ELAPOR2: variants seen among roughly 807,000 people sequenced by gnomAD.
ELAPOR2 encodes the protein endosome-lysosome associated apoptosis and autophagy regulator family member 2, also known as endosome/lysosome-associated apoptosis and autophagy regulator family member 2.
A neutral mutation model predicts 120.7 loss-of-function variants in ELAPOR2; 89 were observed. That is an observed-to-expected ratio of 0.74 (90% confidence interval 0.62 to 0.88). The LOEUF is 0.88. Ranked by LOEUF, ELAPOR2 falls within the 40% of genes least tolerant of loss-of-function variation. The pLI, the probability that ELAPOR2 is intolerant of heterozygous loss-of-function variation, is 0.00. For missense variants in ELAPOR2, 1,134 were observed against 1,251.6 expected (o/e 0.91, Z 1.42); for synonymous variants, 444 against 444.9 (o/e 1.00, Z 0.03).
rs1039772548 is a variant in ELAPOR2, at chr7:86,878,969, T to C, written c.*1502A>G. 1 of 152,142 alleles carries C rather than the reference T, an allele frequency of 6.6e-6. No homozygotes were observed. The highest frequency in any genetic ancestry group is 2.4e-5 in the African/African-American group (1 of 41,446). 9.4% of individuals were successfully genotyped at this position (152,142 alleles called of 1,614,324 possible). On this transcript the variant is annotated 3_prime_UTR_variant, in exon 22 of 22. Transcript: ENST00000450689. ...AACACAATTATTCATTTTTCTCCCA[T>C]TTTCCACAAAAATAAAGACACCACC...
At chr7:87,021,482 A>G (rs1424230540) in intron 1 of ELAPOR2, among the ~76,000 whole-genome samples, 1 of 152,148 alleles carries the variant, frequency 6.6e-6, no homozygotes, top group Non-Finnish European at 1.5e-5. Context: ...ATAAGGAAAC[A>G]ATATATTTAA....
At chr7:86,946,159 T>TCACA (rs3223108) in intron 3 of ELAPOR2, among the ~76,000 whole-genome samples, 8,748 of 146,344 alleles carry the variant, frequency 0.06, 249 homozygotes, top group African/African-American at 0.076. Flanking sequence ...ATACCATTTC[T>TCACA]CACACACACA....
chr7:87,044,822 C>T (rs1288898437), intron 1 of ELAPOR2, among the ~76,000 whole-genome samples: 1 of 150,230 alleles, frequency 6.7e-6, no homozygotes, highest in Non-Finnish European at 1.5e-5. Flanking sequence ...GAACAGGCAA[C>T]CTACAAAATG....
chr7:86,947,014 C>T (rs978006960), intron 3 of ELAPOR2, among the ~76,000 whole-genome samples: 8 of 152,126 alleles, frequency 5.3e-5, no homozygotes, highest in Non-Finnish European at 8.8e-5. Flanking sequence ...AATGAATATG[C>T]CTTTCAACAC....
chr7:86,880,396 G>T lies in ELAPOR2; in HGVS notation c.*75C>A. ...CACCAATGTGACAGGTATGAGGACA[G>T]ACCCTAAAATATGGTCCTGTAAAAC... is the stretch of plus-strand genomic sequence containing the variant. On this transcript the variant is annotated 3_prime_UTR_variant, in exon 22 of 22. Transcript: ENST00000450689. 1.9e-6 allele frequency: 2 copies of T among 1,062,638 alleles called. No homozygotes were observed. Among genetic ancestry groups the T allele is most frequent in the South Asian group, 1.3e-5 (1 of 78,058 alleles). 65.8% of individuals were successfully genotyped at this position (1,062,638 alleles called of 1,614,324 possible). A position where few individuals can be genotyped will look rare whatever the true frequency, so the allele number is the denominator to read the frequency against.
At chr7:86,949,603 G>A (rs1333357204) in intron 2 of ELAPOR2, among the ~76,000 whole-genome samples, 1 of 152,140 alleles carries the variant, frequency 6.6e-6, no homozygotes, top group Non-Finnish European at 1.5e-5. Flanking sequence ...GCACTCTCAG[G>A]GGCCCAGGAA....
At chr7:86,896,084 A>G (rs1351956142) in intron 19 of ELAPOR2, among the ~76,000 whole-genome samples, 1 of 152,140 alleles carries the variant, frequency 6.6e-6, no homozygotes, top group Non-Finnish European at 1.5e-5. Flanking sequence ...TAAGCCATCT[A>G]CGAGGATACA....
At chr7:86,918,123 T>C (rs1347784383) in intron 12 of ELAPOR2, among the ~76,000 whole-genome samples, 1 of 151,934 alleles carries the variant, frequency 6.6e-6, no homozygotes, top group Non-Finnish European at 1.5e-5. Flanking sequence ...CAGGTGAGAA[T>C]TTTCATTCTG....
chr7:86,984,690 G>A (rs1009223949), intron 1 of ELAPOR2, among the ~76,000 whole-genome samples: 3 of 152,166 alleles, frequency 2.0e-5, no homozygotes, highest in Non-Finnish European at 4.4e-5. Flanking sequence ...AAAGCAGTGC[G>A]TAGAGGGAAA....
Position 86,893,104 on chromosome 7 carries a change from TA to T in ELAPOR2, c.2686-5del, listed in dbSNP as rs112693552. Reference sequence around the variant, plus strand: ...CATTCCACACATACAAGGTTTCCTTTAAAAAAAAAAACATAAAACCATAGAA... The same window carrying T: ...CATTCCACACATACAAGGTTTCCTTTAAAAAAAAAACATAAAACCATAGAA... On this transcript the variant is annotated splice_region_variant and splice_polypyrimidine_tract_variant and intron_variant, in intron 19 of 21. Transcript: ENST00000450689. The T allele has an allele frequency of 7.5e-3, 9,003 of 1,193,634 alleles. 5 individuals are homozygous for T. The highest frequency in any genetic ancestry group is 0.018 in the East Asian group (526 of 30,024). 73.9% of individuals were successfully genotyped at this position (1,193,634 alleles called of 1,614,324 possible).
Position 86,897,526 on chromosome 7 carries a change from C to T in ELAPOR2, c.2665G>A (p.Ala889Thr), listed in dbSNP as rs1243141989. 2 of 1,612,864 alleles carry T rather than the reference C, an allele frequency of 1.2e-6. No homozygotes were observed. The highest frequency in any genetic ancestry group is 1.7e-6 in the Non-Finnish European group (2 of 1,179,282). ...CTTACCTGAAATCCTCTCTTGCAGG[C>T]TCCCTCAATCTCATGGAAGTCATGC... ...TEHDFHEIEG[A>T]CKRGFQETLY... Residue 889 changes from alanine (A) to threonine (T), a missense_variant, in exon 19 of 22, where the codon GCC (alanine) becomes ACC (threonine). Around this residue, in one of 3 missense-constraint regions of ELAPOR2, gnomAD observed 831 missense variants for 867.6 expected, o/e 0.96. Transcript: ENST00000450689.
chr7:86,991,784 T>A (rs1460975035), intron 1 of ELAPOR2, among the ~76,000 whole-genome samples: 1 of 152,184 alleles, frequency 6.6e-6, no homozygotes, highest in African/African-American at 2.4e-5. Context: ...TGGCTGCTAA[T>A]GTTCCAGCCA....
intron 1 of ELAPOR2, among the ~76,000 whole-genome samples, chr7:87,034,480 A>G (rs975185065): frequency 2.6e-5 from 4 of 151,986 alleles, no homozygotes; most frequent in African/African-American, 9.7e-5. Context: ...ACAAATGTAG[A>G]AAAAAATGAG....
intron 1 of ELAPOR2, among the ~76,000 whole-genome samples, chr7:86,981,698 T>G (rs918443375): frequency 6.6e-6 from 1 of 152,218 alleles, no homozygotes; most frequent in African/African-American, 2.4e-5. Context: ...AGTTCCAAGA[T>G]AGCCAAATAG....
intron 1 of ELAPOR2, among the ~76,000 whole-genome samples, chr7:86,984,488 C>T (rs1055953377): frequency 2.6e-5 from 4 of 152,090 alleles, no homozygotes; most frequent in South Asian, 4.1e-4. Flanking sequence ...ATACTGTCTC[C>T]CAGACCACAG....
At chr7:86,977,555 T>C (rs539163557) in intron 1 of ELAPOR2, among the ~76,000 whole-genome samples, 51 of 152,216 alleles carry the variant, frequency 3.4e-4, no homozygotes, top group Non-Finnish European at 5.0e-4. Context: ...CCCTGTCTCC[T>C]GAGGAATCAA....
rs1413279028 is a variant in ELAPOR2 at position 86,879,627 on chromosome 7, T to G, written c.*844A>C. 6.6e-6 allele frequency: 1 copy of G among 152,206 alleles called. No individual in the cohort carries two copies. Among genetic ancestry groups the G allele is most frequent in the East Asian group, 1.9e-4 (1 of 5,202 alleles). The allele number at this position is 152,206 out of a possible 1,614,324, so 9.4% of individuals were successfully genotyped here. On this transcript the variant is annotated 3_prime_UTR_variant, in exon 22 of 22. Coordinates refer to ENST00000450689, the MANE Select transcript of ELAPOR2 (RefSeq NM_001142749.3). ...ACCTTCTCACTCTCTTCTTCATGATTTTGCCAGTGATTTGATTGACAAGCT... is the reference window on the plus strand; with the variant it reads ...ACCTTCTCACTCTCTTCTTCATGATGTTGCCAGTGATTTGATTGACAAGCT...
At position 86,908,477 on chromosome 7, in the gene ELAPOR2, C is replaced by A; in HGVS notation, c.2426G>T (p.Ser809Ile). ...AAAGAAATGCACATCTGGTATTTGG[C>A]TTGTTGGAACTGGGAACATATCTTC... Reference protein sequence around the residue: ...IKEDMFPVPTSQIPDVHFFYK... With the variant: ...IKEDMFPVPTIQIPDVHFFYK... Residue 809 changes from serine (S) to isoleucine (I), a missense_variant, in exon 17 of 22, where the codon AGC becomes ATC. By Grantham distance (142) the Ser-to-Ile change is moderately radical. This residue lies in a region of ELAPOR2 where 831 missense variants were observed against 867.6 expected (regional missense o/e 0.96). Coordinates refer to ENST00000450689, the MANE Select transcript of ELAPOR2 (RefSeq NM_001142749.3). 3.1e-6 allele frequency: 5 copies of A among 1,587,430 alleles called. No homozygotes were observed. The highest frequency in any genetic ancestry group is 4.3e-6 in the Non-Finnish European group (5 of 1,165,054).
chr7:86,908,029 C>A, intron 17 of ELAPOR2, among the ~76,000 whole-genome samples: 1 of 151,396 alleles, frequency 6.6e-6, no homozygotes, highest in East Asian at 1.9e-4. Context: ...AAATTATAAT[C>A]AAAAATATTC....
Sources: gnomAD v4.1 joint callset for allele counts (sites outside exome capture counted in the v4.1 genomes callset) on GRCh38, gnomAD v4.1.1 for gene constraint, gnomAD v4.1.1 regional missense constraint, MANE v1.5 for transcripts, NCBI Gene and HGNC (gene_info 2026-07-23, HGNC 2026-07-21) for gene names.